Variants in ABLIM3 observed in about 807,000 individuals in gnomAD.
ABLIM3 encodes the protein actin-binding LIM protein 3.
In ABLIM3, 61 loss-of-function variants were observed where a neutral mutation model predicts 109.5. The ratio of observed to expected loss-of-function variants is 0.56; its 90% confidence interval spans 0.45 to 0.69. ABLIM3 has a LOEUF of 0.69. Among genes scored for constraint, ABLIM3 ranks in the 30% least tolerant of loss-of-function variants. ABLIM3 has a pLI of 0.00. For synonymous variants in ABLIM3, 300 were observed against 324.8 expected (o/e 0.92, Z 0.82); for missense variants, 796 against 889.5 (o/e 0.89, Z 1.34).
intron 3 of ABLIM3, among the ~76,000 whole-genome samples, chr5:149,193,496 T>A (rs1283068401): frequency 6.6e-6 from 1 of 152,072 alleles, no homozygotes; most frequent in Non-Finnish European, 1.5e-5. Context: ...TATGCTAAAT[T>A]CTCTGATAGA....
chr5:149,237,456 G>A lies in ABLIM3; in HGVS notation c.897G>A (p.Val299=). The A allele has an allele frequency of 6.2e-7, 1 of 1,614,072 alleles. No homozygotes were observed. Among genetic ancestry groups the A allele is most frequent in the Admixed American group, 1.7e-5 (1 of 60,024 alleles). ...ATTTCCCTCTTCCCTAGGCTAAAGT[G>A]GATAATGAGATCCTTAATTACAAAG... ...GSPNRVICAK[V]DNEILNYKDL... is the part of the protein sequence containing the mutation. The change falls in exon 11 of 24, where the codon GTG becomes GTA. Residue 299 remains valine (V), a synonymous_variant. Transcript: ENST00000309868.
chr5:149,231,064 A>G (rs62378084), intron 9 of ABLIM3, among the ~76,000 whole-genome samples: 1,926 of 152,270 alleles, frequency 0.013, 33 homozygotes, highest in Admixed American at 0.045. Context: ...AATAGTTAAT[A>G]ATGTCACAGT....
At position 149,252,772 on chromosome 5, in the gene ABLIM3, C is replaced by G; in HGVS notation, c.1873C>G (p.Leu625Val). The change falls in exon 23 of 24, where the codon CTG becomes GTG. Residue 625 changes from leucine to valine, a missense_variant. Physicochemically the swap from Leu to Val is conservative, Grantham distance 32 (BLOSUM62 1). Coordinates refer to ENST00000309868, the MANE Select transcript of ABLIM3 (RefSeq NM_014945.5). ...TTCTCCTTAGATCTACCCTTATGAA[C>G]TGCTGCTGGTGACTACAAGAGGAAG... ...MREYKIYPYELLLVTTRGRNR... is the reference protein window; with the variant it reads ...MREYKIYPYEVLLVTTRGRNR... 1.2e-6 allele frequency: 2 copies of G among 1,613,298 alleles called. No homozygotes were observed. The highest frequency in any genetic ancestry group is 1.7e-6 in the Non-Finnish European group (2 of 1,179,432).
At chr5:149,185,694 T>C (rs1437602248) in intron 3 of ABLIM3, among the ~76,000 whole-genome samples, 1 of 152,234 alleles carries the variant, frequency 6.6e-6, no homozygotes, top group African/African-American at 2.4e-5. Flanking sequence ...GAGAGGATTT[T>C]TATTTCCAAC....
rs10644957 is a variant in ABLIM3, at chr5:149,170,228, T to TTCTCTCTCTCTCTCTCTC, written c.14-13205_14-13188dup. Among the ~76,000 whole-genome samples, 207 of 124,630 alleles carry TTCTCTCTCTCTCTCTCTC rather than the reference T, an allele frequency of 1.7e-3. 3 individuals are homozygous for TTCTCTCTCTCTCTCTCTC. Among genetic ancestry groups the TTCTCTCTCTCTCTCTCTC allele is most frequent in the African/African-American group, 5.4e-3 (172 of 31,934 alleles). 81.8% of individuals were successfully genotyped at this position (124,630 alleles called of 152,430 possible). Reference sequence around the variant, plus strand: ...ATGATGCATTCATTCAGGGTTCTGTTTCTCTCTCTCTCTCTCTCTCTCTCT... The same window carrying TTCTCTCTCTCTCTCTCTC: ...ATGATGCATTCATTCAGGGTTCTGTTTCTCTCTCTCTCTCTCTCTCTCTCTCTCTCTCTCTCTCTCTCT... On this transcript the variant is annotated intron_variant, in intron 2 of 23. Transcript: ENST00000309868.
chr5:149,153,216 CCTTAGCTCT>C (rs1294154664), intron 2 of ABLIM3, among the ~76,000 whole-genome samples: 4 of 152,172 alleles, frequency 2.6e-5, no homozygotes, highest in African/African-American at 9.7e-5. Context: ...AAAAAGCCTA[CCTTAGCTCT>C]TACAGTCCTG....
intron 20 of ABLIM3, among the ~76,000 whole-genome samples, chr5:149,250,825 T>C (rs1247780567): frequency 6.6e-6 from 1 of 152,190 alleles, no homozygotes; most frequent in African/African-American, 2.4e-5. Context: ...TACCCTACTT[T>C]GTGCATGCAG....
chr5:149,207,266 G>A (rs1759082459), intron 6 of ABLIM3, 132 bp downstream of exon 6: 3 of 1,354,902 alleles, frequency 2.2e-6, no homozygotes, highest in South Asian at 1.5e-5. Flanking sequence ...TGGCCAAACA[G>A]CATCTTTCCC....
At chr5:149,199,190 C>G (rs1758271556) in intron 4 of ABLIM3, 5 of 452,842 alleles carry the variant, frequency 1.1e-5, no homozygotes, top group Non-Finnish European at 2.2e-5. Flanking sequence ...AAAGCTCAGC[C>G]CTACCCACAA....
At position 149,198,304 on chromosome 5, in the gene ABLIM3, C is replaced by G; in HGVS notation, c.237C>G (p.Gly79=). The G allele has an allele frequency of 6.2e-7, 1 of 1,614,232 alleles. No individual in the cohort carries two copies. The highest frequency in any genetic ancestry group is 8.5e-7 in the Non-Finnish European group (1 of 1,180,022). Residue 79 remains glycine, a synonymous_variant, in exon 4 of 24, where the codon GGC becomes GGG. Coordinates refer to ENST00000309868, the MANE Select transcript of ABLIM3 (RefSeq NM_014945.5). The surrounding 1 kb of genome is among the most constrained non-coding windows in gnomAD (Gnocchi z 4.2). The stretch of plus-strand genomic sequence containing the variant: ...CCCAGGACTACCAGCAACTCTATGG[C>G]ACCCGCTGTGACAGCTGCCGGGACT... The part of the protein sequence containing the change: ...ICTQDYQQLY[G]TRCDSCRDFI...
chr5:149,197,581 G>A (rs960768907), intron 3 of ABLIM3, among the ~76,000 whole-genome samples: 1 of 152,086 alleles, frequency 6.6e-6, no homozygotes, highest in African/African-American at 2.4e-5. Context: ...TGGCTATGGT[G>A]AGCACAGATT....
chr5:149,165,799 T>G (rs1754768096), intron 2 of ABLIM3, among the ~76,000 whole-genome samples: 1 of 152,336 alleles, frequency 6.6e-6, no homozygotes, highest in Admixed American at 6.5e-5. Flanking sequence ...ATCTTTCTTC[T>G]GCTGTGGTGG....
At chr5:149,247,623 C>A in intron 17 of ABLIM3, 159 bp from the exon 18 acceptor site, 1 of 969,236 alleles carries the variant, frequency 1.0e-6, no homozygotes, top group Non-Finnish European at 1.6e-6. Context: ...GAGATTGCAA[C>A]AGGAAACATG....
intron 2 of ABLIM3, among the ~76,000 whole-genome samples, chr5:149,162,477 GAC>G (rs1290605231): frequency 6.6e-6 from 1 of 152,192 alleles, no homozygotes; most frequent in Non-Finnish European, 1.5e-5. Flanking sequence ...GATCAAAAGA[GAC>G]ACAGAATAGT....
chr5:149,220,978 A>G (rs1760591096), intron 8 of ABLIM3: 3 of 152,222 alleles, frequency 2.0e-5, no homozygotes, highest in African/African-American at 4.8e-5. Flanking sequence ...AGAAGTGTAA[A>G]CATTCAATGA....
intron 23 of ABLIM3, among the ~76,000 whole-genome samples, chr5:149,255,915 C>G (rs937334568): frequency 6.6e-6 from 1 of 152,206 alleles, no homozygotes; most frequent in Non-Finnish European, 1.5e-5. Flanking sequence ...CTCATTCACC[C>G]TCATGGTATT....
At chr5:149,210,897 A>C in intron 7 of ABLIM3, 78 bp downstream of exon 7, 1 of 1,347,082 alleles carries the variant, frequency 7.4e-7, no homozygotes, top group East Asian at 2.3e-5. Context: ...AGAAGGAGAA[A>C]GTCATCCCAT....
chr5:149,259,357 C>G lies in ABLIM3; in HGVS notation c.*953C>G. 1 of 1,451,950 alleles carries G rather than the reference C, an allele frequency of 6.9e-7. No individual in the cohort carries two copies. The highest frequency in any genetic ancestry group is 1.4e-5 in the African/African-American group (1 of 70,504). 89.9% of individuals were successfully genotyped at this position (1,451,950 alleles called of 1,614,324 possible). On this transcript the variant is annotated 3_prime_UTR_variant, in exon 24 of 24. Coordinates refer to ENST00000309868, the MANE Select transcript of ABLIM3 (RefSeq NM_014945.5). ...CCTGACAACTCAACACACCGCAGGG[C>G]TAATGTTCCCACCAGAGCTCCAACT...
chr5:149,247,458 T>C (rs1438064322), intron 17 of ABLIM3, among the ~76,000 whole-genome samples: 1 of 152,224 alleles, frequency 6.6e-6, no homozygotes, highest in Non-Finnish European at 1.5e-5. Flanking sequence ...TAAGTAATTT[T>C]CACCTCAGTT....
Sources: gnomAD v4.1 joint callset for allele counts (sites outside exome capture counted in the v4.1 genomes callset) on GRCh38, gnomAD v4.1.1 for gene constraint, Gnocchi (gnomAD v3.1) non-coding constraint, MANE v1.5 for transcripts, NCBI Gene and HGNC (gene_info 2026-07-23, HGNC 2026-07-21) for gene names.